Variants in CTBP2 observed in about 807,000 individuals in gnomAD.
The protein encoded by CTBP2 is C-terminal-binding protein 2.
Under a neutral mutation model 80.3 loss-of-function variants are expected in CTBP2, and 30 were observed. The ratio of observed to expected loss-of-function variants is 0.37; its 90% CI spans 0.28 to 0.51. The LOEUF (loss-of-function observed/expected upper bound fraction) is 0.51, where lower values mean the gene tolerates loss of function less well. Among genes scored for constraint, CTBP2 ranks in the 20% least tolerant of loss-of-function variants. CTBP2 has a pLI of 0.93. For synonymous variants in CTBP2, 594 were observed against 587.4 expected (o/e 1.01, Z -0.16); for missense variants, 1,212 against 1,375.3 (o/e 0.88, Z 1.88).
intron 1 of CTBP2, among the ~76,000 whole-genome samples, chr10:125,112,638 A>C (rs1478513480): frequency 6.6e-6 from 1 of 151,416 alleles, no homozygotes; most frequent in Non-Finnish European, 1.5e-5. Flanking sequence ...CATGTTGGTC[A>C]GGCTGGTATC....
chr10:125,041,575 T>C (rs1959823885), intron 2 of CTBP2, among the ~76,000 whole-genome samples: 2 of 140,966 alleles, frequency 1.4e-5, no homozygotes, highest in Middle Eastern at 3.4e-3. Flanking sequence ...GCAATTGTCA[T>C]TTGCTCAGGC....
At chr10:125,102,818 G>A (rs1156347928) in intron 2 of CTBP2, among the ~76,000 whole-genome samples, 1 of 152,226 alleles carries the variant, frequency 6.6e-6, no homozygotes, top group Non-Finnish European at 1.5e-5. Flanking sequence ...AGCCATCTGA[G>A]CTTTGTCTCG....
At chr10:125,052,513 G>A (rs527443306) in intron 2 of CTBP2, among the ~76,000 whole-genome samples, 3 of 152,306 alleles carry the variant, frequency 2.0e-5, no homozygotes, top group Admixed American at 6.5e-5. Context: ...TGTTTGGACC[G>A]TCCTGCCTTT....
rs139033026 is a variant in CTBP2 at position 125,102,218 on chromosome 10, C to T, written c.-102+8772G>A. Among the ~76,000 whole-genome samples, 6 of 152,310 alleles carry T rather than the reference C, an allele frequency of 3.9e-5. No homozygotes were observed. The East Asian group carries it at 1.2e-3, about 29-fold the overall frequency. The stretch of plus-strand genomic sequence containing the variant: ...CAACACCATCAGAGGAGGACAAGGT[C>T]AAGTTGTAAACATTTTTTGGCCATA... On this transcript the variant is annotated intron_variant, in intron 2 of 10. Transcript: ENST00000337195.
At chr10:125,018,688 G>A (rs1956759549) in intron 1 of CTBP2, among the ~76,000 whole-genome samples, 1 of 152,240 alleles carries the variant, frequency 6.6e-6, no homozygotes, top group South Asian at 2.1e-4. Flanking sequence ...AAAGGGGCAA[G>A]AGGCACATTC....
chr10:125,046,537 C>CAAAAAAAAAAAAAAAAAA (rs57913854), intron 2 of CTBP2, among the ~76,000 whole-genome samples: 2 of 114,772 alleles, frequency 1.7e-5, no homozygotes, highest in African/African-American at 3.3e-5. Flanking sequence ...GACTCTATCT[C>CAAAAAAAAAAAAAAAAAA]AAAAAAAAAA....
chr10:125,025,574 G>A (rs1957452879), intron 1 of CTBP2, among the ~76,000 whole-genome samples: 1 of 152,188 alleles, frequency 6.6e-6, no homozygotes. Flanking sequence ...CATCTCCACG[G>A]TGGGTAATCA....
chr10:125,084,089 G>GTTT (rs1847605009), intron 2 of CTBP2, among the ~76,000 whole-genome samples: 1 of 151,966 alleles, frequency 6.6e-6, no homozygotes, highest in Admixed American at 6.6e-5. Flanking sequence ...CCCCAGCTAC[G>GTTT]TTTTTTGATT....
chr10:125,065,817 C>T (rs117817995), intron 2 of CTBP2, among the ~76,000 whole-genome samples: 35 of 152,254 alleles, frequency 2.3e-4, no homozygotes, highest in East Asian at 1.2e-3. Flanking sequence ...ATGCCATCAT[C>T]GGCTGGGTGT....
intron 1 of CTBP2, among the ~76,000 whole-genome samples, chr10:125,010,079 G>A (rs1014321982): frequency 6.6e-6 from 1 of 152,094 alleles, no homozygotes; most frequent in Non-Finnish European, 1.5e-5. Context: ...AGAAGACTGC[G>A]GGCAACAGGC....
chr10:125,107,954 T>C (rs1215088949), intron 2 of CTBP2, among the ~76,000 whole-genome samples: 1 of 152,222 alleles, frequency 6.6e-6, no homozygotes, highest in African/African-American at 2.4e-5. Flanking sequence ...ACTTTTTCTG[T>C]GACACTTTTG....
chr10:125,025,829 CA>C (rs1245487412), intron 1 of CTBP2, among the ~76,000 whole-genome samples: 1 of 152,230 alleles, frequency 6.6e-6, no homozygotes, highest in African/African-American at 2.4e-5. Flanking sequence ...GGGAAATCTA[CA>C]CATCAACCCG....
chr10:125,120,995 A>G (rs1854233880), intron 1 of CTBP2, among the ~76,000 whole-genome samples: 1 of 152,174 alleles, frequency 6.6e-6, no homozygotes, highest in South Asian at 2.1e-4. Context: ...CCCTTTATCT[A>G]TTGCAAAAGG....
chr10:125,081,591 A>G (rs1007265204), intron 2 of CTBP2, among the ~76,000 whole-genome samples: 2 of 152,172 alleles, frequency 1.3e-5, no homozygotes, highest in African/African-American at 4.8e-5. Flanking sequence ...GAGGCTAGGT[A>G]AAGGGTAATT....
chr10:124,993,234 G>A lies in CTBP2; in HGVS notation c.2627C>T (p.Ala876Val), dbSNP rs767827773. 3.1e-6 allele frequency: 5 copies of A among 1,601,428 alleles called. No individual in the cohort carries two copies. In the African/African-American group the frequency reaches 4.0e-5, roughly 13 times the overall value. The change falls in exon 7 of 9, where the codon GCA becomes GTA. Residue 876 changes from alanine (A) to valine (V), a missense_variant. Ala to Val is a moderately conservative substitution (Grantham distance 64, BLOSUM62 0). Coordinates refer to ENST00000309035, the MANE Select transcript of CTBP2 (RefSeq NM_022802.3). ...GGCTCGGCGGATCTCGGTGGCAGCTGCCTCCCTCATCTCCAGTGACGCCTG... is the reference window on the plus strand; with the variant it reads ...GGCTCGGCGGATCTCGGTGGCAGCTACCTCCCTCATCTCCAGTGACGCCTG...
At chr10:125,157,656 G>C (rs1861167815) in intron 1 of CTBP2, among the ~76,000 whole-genome samples, 1 of 152,136 alleles carries the variant, frequency 6.6e-6, no homozygotes, top group South Asian at 2.1e-4. Flanking sequence ...GGGGGAGGGG[G>C]TGACCCAACA....
intron 1 of CTBP2, among the ~76,000 whole-genome samples, chr10:125,151,602 G>T (rs973459642): frequency 6.6e-6 from 1 of 152,178 alleles, no homozygotes; most frequent in African/African-American, 2.4e-5. Flanking sequence ...GTCAATCAAC[G>T]AACCTCACCA....
chr10:125,089,417 C>A (rs765098442), intron 2 of CTBP2, among the ~76,000 whole-genome samples: 3 of 152,184 alleles, frequency 2.0e-5, no homozygotes, highest in Admixed American at 6.5e-5. Flanking sequence ...TCCGAAGTCA[C>A]GGTGTGGCTC....
chr10:125,076,884 C>T (rs1251136057), intron 2 of CTBP2, among the ~76,000 whole-genome samples: 1 of 152,198 alleles, frequency 6.6e-6, no homozygotes, highest in Non-Finnish European at 1.5e-5. Context: ...CCTCTTCATC[C>T]TTCCCCCTTT....
Sources: allele counts gnomAD v4.1 joint callset (sites outside exome capture counted in the v4.1 genomes callset), GRCh38; gene constraint gnomAD v4.1.1; transcripts MANE v1.5; gene names NCBI Gene and HGNC (gene_info 2026-07-23, HGNC 2026-07-21).